Variants in FNDC3A observed in about 807,000 individuals in gnomAD.
FNDC3A encodes the protein fibronectin type-III domain-containing protein 3A.
In FNDC3A, 32 loss-of-function variants were observed where a neutral mutation model predicts 148.9. That is an observed-to-expected ratio of 0.21 (90% confidence interval 0.16 to 0.29). The LOEUF is 0.29. FNDC3A is among the 10% of genes least tolerant of loss of function. FNDC3A has a pLI of 1.00. For missense variants in FNDC3A, 1,191 were observed against 1,452.8 expected, an observed-to-expected ratio of 0.82 and a Z score of 2.93; for synonymous variants, 472 against 473.6, an observed-to-expected ratio of 1.00 and a Z score of 0.04.
chr13:49,150,039 C>G (rs1883197973), intron 8 of FNDC3A, among the ~76,000 whole-genome samples: 1 of 151,832 alleles, frequency 6.6e-6, no homozygotes, highest in Non-Finnish European at 1.5e-5. Context: ...TTTTCCACTT[C>G]TGATTTTATT....
At chr13:49,172,572 T>A (rs183327724) in intron 11 of FNDC3A, among the ~76,000 whole-genome samples, 1 of 152,312 alleles carries the variant, frequency 6.6e-6, no homozygotes, top group Non-Finnish European at 1.5e-5. Flanking sequence ...CTGTCCTCAT[T>A]ACTTGGTTCA....
At chr13:49,156,550 T>G (rs1295136518) in intron 8 of FNDC3A, among the ~76,000 whole-genome samples, 12 of 149,536 alleles carry the variant, frequency 8.0e-5, no homozygotes, top group Non-Finnish European at 1.6e-4. Context: ...TGTGTGAATT[T>G]GATCCTGTCA....
intron 1 of FNDC3A, among the ~76,000 whole-genome samples, chr13:49,001,309 A>G (rs770065573): frequency 2.0e-5 from 3 of 152,122 alleles, no homozygotes; most frequent in African/African-American, 7.2e-5. Context: ...TCTTAATCCC[A>G]TCATCTTTGT....
At chr13:49,005,793 T>C (rs560039129) in intron 1 of FNDC3A, among the ~76,000 whole-genome samples, 98 of 152,020 alleles carry the variant, frequency 6.4e-4, no homozygotes, top group African/African-American at 2.0e-3. Context: ...AATCACTGTA[T>C]CTTAGTGCCT....
At chr13:49,187,774 T>C (rs1001596790) in intron 16 of FNDC3A, 1 of 750,742 alleles carries the variant, frequency 1.3e-6, no homozygotes. Flanking sequence ...TTTTCTTTGT[T>C]TGTAGCAGTT....
At position 49,187,042 on chromosome 13, in the gene FNDC3A, G is replaced by T. The variant is rs529073646; in HGVS notation, c.1757-80G>T. ...ATTTTTTTTTTTTAAACCTAGTTTGGTATTCTGTTTATTAGGTTTTTTTTA... is the reference window on the plus strand; with the variant it reads ...ATTTTTTTTTTTTAAACCTAGTTTGTTATTCTGTTTATTAGGTTTTTTTTA... On this transcript the variant is annotated intron_variant, in intron 15 of 25. Coordinates refer to ENST00000492622, the MANE Select transcript of FNDC3A (RefSeq NM_001079673.2). 713 of 989,694 alleles carry T rather than the reference G, an allele frequency of 7.2e-4. 2 individuals carry two copies. Among genetic ancestry groups the T allele is most frequent in the Middle Eastern group, 6.0e-3 (20 of 3,340 alleles). 61.3% of individuals were successfully genotyped at this position (989,694 alleles called of 1,614,324 possible).
At chr13:49,004,343 G>C (rs1952181208) in intron 1 of FNDC3A, among the ~76,000 whole-genome samples, 1 of 152,052 alleles carries the variant, frequency 6.6e-6, no homozygotes, top group Admixed American at 6.6e-5. Context: ...CAATTACTTT[G>C]CGTGTGATAG....
intron 5 of FNDC3A, among the ~76,000 whole-genome samples, chr13:49,131,707 T>C (rs1204610576): frequency 6.6e-6 from 1 of 152,188 alleles, no homozygotes; most frequent in Non-Finnish European, 1.5e-5. Context: ...TGTTAAATCC[T>C]ATTGGCTGTG....
At chr13:49,036,296 A>G (rs550358170) in intron 2 of FNDC3A, among the ~76,000 whole-genome samples, 45 of 152,316 alleles carry the variant, frequency 3.0e-4, no homozygotes, top group African/African-American at 1.0e-3. Flanking sequence ...ACATGTGACT[A>G]TTTAAACTAC....
chr13:49,018,373 C>G (rs1872996761), intron 2 of FNDC3A, among the ~76,000 whole-genome samples: 1 of 152,132 alleles, frequency 6.6e-6, no homozygotes, highest in African/African-American at 2.4e-5. Flanking sequence ...CGCTGATACC[C>G]TTTCTTCCAG....
chr13:49,054,921 C>G (rs1566217829), intron 2 of FNDC3A, among the ~76,000 whole-genome samples: 1 of 151,150 alleles, frequency 6.6e-6, no homozygotes. Flanking sequence ...TTTTCTACTT[C>G]ATTTGTGGTG....
At chr13:49,003,527 A>G (rs1428180452) in intron 1 of FNDC3A, among the ~76,000 whole-genome samples, 1 of 152,172 alleles carries the variant, frequency 6.6e-6, no homozygotes, top group Non-Finnish European at 1.5e-5. Flanking sequence ...TTTTAAAAGA[A>G]ATTACAATTC....
intron 3 of FNDC3A, among the ~76,000 whole-genome samples, chr13:49,091,828 C>T (rs1363714978): frequency 6.6e-6 from 1 of 152,192 alleles, no homozygotes; most frequent in Admixed American, 6.5e-5. Flanking sequence ...TGCTCAAGCT[C>T]GATCACTTCC....
intron 1 of FNDC3A, among the ~76,000 whole-genome samples, chr13:48,980,050 T>A (rs1051184904): frequency 6.6e-6 from 1 of 152,094 alleles, no homozygotes; most frequent in African/African-American, 2.4e-5. Flanking sequence ...CATGTATATA[T>A]TTTTCCTTAT....
At chr13:49,079,883 T>TA (rs1284445664) in intron 3 of FNDC3A, among the ~76,000 whole-genome samples, 3 of 152,172 alleles carry the variant, frequency 2.0e-5, no homozygotes, top group Non-Finnish European at 4.4e-5. Flanking sequence ...AGCACAGTCA[T>TA]AGCTCATTGC....
chr13:49,191,444 A>G (rs1885883267), intron 19 of FNDC3A, 60 bp downstream of exon 19: 2 of 1,334,358 alleles, frequency 1.5e-6, no homozygotes, highest in South Asian at 1.6e-5. Flanking sequence ...TCATTTTAAC[A>G]TATATCATCA....
chr13:49,074,149 T>C (rs951618742), intron 2 of FNDC3A, among the ~76,000 whole-genome samples: 2 of 152,150 alleles, frequency 1.3e-5, no homozygotes, highest in Non-Finnish European at 2.9e-5. Flanking sequence ...ATAAGTTCTT[T>C]AGTGATGATT....
intron 11 of FNDC3A, among the ~76,000 whole-genome samples, chr13:49,173,119 G>A (rs779795295): frequency 6.6e-6 from 1 of 152,228 alleles, no homozygotes; most frequent in Non-Finnish European, 1.5e-5. Context: ...CCCTTGGGCC[G>A]CAGGTTGGAC....
At chr13:49,071,926 C>T (rs1332167645) in intron 2 of FNDC3A, among the ~76,000 whole-genome samples, 26 of 152,162 alleles carry the variant, frequency 1.7e-4, no homozygotes, top group Admixed American at 1.7e-3. Context: ...ATTCTCCTGC[C>T]TCAGCTTCCC....
Sources: gnomAD v4.1 joint callset for allele counts (sites outside exome capture counted in the v4.1 genomes callset) on GRCh38, gnomAD v4.1.1 for gene constraint, MANE v1.5 for transcripts, NCBI Gene and HGNC (gene_info 2026-07-23, HGNC 2026-07-21) for gene names.